RGS14: variants seen among roughly 807,000 people sequenced by gnomAD.
RGS14 encodes regulator of G protein signaling 14.
In RGS14, 33 loss-of-function variants were observed where a neutral mutation model predicts 63.8. The ratio of observed to expected loss-of-function variants is 0.52; its 90% CI spans 0.39 to 0.69. The LOEUF is 0.69. Among genes scored for constraint, RGS14 ranks in the 30% least tolerant of loss-of-function variants. The pLI, the probability that RGS14 is intolerant of heterozygous loss-of-function variation, is 0.00. For missense variants in RGS14, 739 were observed against 742.9 expected (o/e 0.99, Z 0.06); for synonymous variants, 296 against 320.9 (o/e 0.92, Z 0.83).
chr5:177,372,141 C>G lies in RGS14; in HGVS notation c.*66C>G, dbSNP rs1268862072. The G allele has an allele frequency of 3.5e-6, 5 of 1,431,600 alleles. No homozygotes were observed. Among genetic ancestry groups the G allele is most frequent in the Admixed American group, 3.5e-5 (2 of 56,350 alleles). The allele number at this position is 1,431,600 out of a possible 1,614,324, so 88.7% of individuals were successfully genotyped here. Reference sequence around the variant, plus strand: ...GGGCCGAGCATGCCATGGGTCCGCTCTGCATGCCCTGTCTGTGCCATGAGT... The same window carrying G: ...GGGCCGAGCATGCCATGGGTCCGCTGTGCATGCCCTGTCTGTGCCATGAGT... On this transcript the variant is annotated 3_prime_UTR_variant, in exon 15 of 15. Coordinates refer to ENST00000408923, the MANE Select transcript of RGS14 (RefSeq NM_006480.5).
At chr5:177,361,971 G>A (rs993073206) in intron 1 of RGS14, among the ~76,000 whole-genome samples, 1 of 152,136 alleles carries the variant, frequency 6.6e-6, no homozygotes, top group Non-Finnish European at 1.5e-5. Flanking sequence ...TGGCAGCCAG[G>A]GCAGGCCAGA....
At chr5:177,368,072 C>A in intron 7 of RGS14, 85 bp from the exon 8 acceptor site, 1 of 1,546,426 alleles carries the variant, frequency 6.5e-7, no homozygotes, top group Non-Finnish European at 8.7e-7. Flanking sequence ...TGGCTCCAAA[C>A]AAGGCCCACC....
intron 7 of RGS14, 78 bp from the exon 8 acceptor site, chr5:177,368,079 C>A (rs145102731): frequency 0.018 from 27,453 of 1,558,336 alleles, 293 homozygotes; most frequent in Middle Eastern, 0.023. Context: ...AAACAAGGCC[C>A]ACCAGTGGGG....
At position 177,367,540 on chromosome 5, in the gene RGS14, C is replaced by T; in HGVS notation, c.610C>T (p.Pro204Ser). The change falls in exon 6 of 15, where the codon CCT (proline) becomes TCT (serine). Residue 204 changes from proline to serine, a missense_variant. Transcript: ENST00000408923. Reference sequence around the variant, plus strand: ...ACCTGGCTCCTCGCGCCTCGGCAGCCCTGACGCCACGAGGAAGGTGCGTGG... The same window carrying T: ...ACCTGGCTCCTCGCGCCTCGGCAGCTCTGACGCCACGAGGAAGGTGCGTGG... ...REPGSSRLGS[P>S]DATRKKPKLK... 3.1e-6 allele frequency: 5 copies of T among 1,610,502 alleles called. No homozygotes were observed. Among genetic ancestry groups the T allele is most frequent in the Non-Finnish European group, 4.2e-6 (5 of 1,178,484 alleles).
chr5:177,371,069 C>T lies in RGS14; in HGVS notation c.1254+38C>T. 1.7e-6 allele frequency: 1 copy of T among 591,016 alleles called. No individual in the cohort carries two copies. Among genetic ancestry groups the T allele is most frequent in the South Asian group, 6.5e-5 (1 of 15,316 alleles). 36.6% of individuals were successfully genotyped at this position (591,016 alleles called of 1,614,324 possible). ...GCCGCGGGGCGGGGCGGGGCGGGGC[C>T]GGGCCGGGGCCGGGGCCGGGGCCGG... On this transcript the variant is annotated intron_variant, in intron 11 of 14. Coordinates refer to ENST00000408923, the MANE Select transcript of RGS14 (RefSeq NM_006480.5). The surrounding 1 kb of genome is among the most constrained non-coding windows in gnomAD (Gnocchi z 6.1).
intron 9 of RGS14, among the ~76,000 whole-genome samples, chr5:177,369,689 A>C (rs1208593480): frequency 6.6e-6 from 1 of 152,228 alleles, no homozygotes; most frequent in Non-Finnish European, 1.5e-5. Context: ...TATTCCAGGC[A>C]GAGGGAACAG....
rs1390448546 is a variant in RGS14 at position 177,366,201 on chromosome 5, A to G, written c.92A>G (p.Gln31Arg). ...GAGCTGAGCAGCACGACGGGGCCCC[A>G]GGGCCAGGGCGAGGGCCGCGGCAGC... ...DGELSSTTGPQGQGEGRGSSL... is the reference protein window; with the variant it reads ...DGELSSTTGPRGQGEGRGSSL... Residue 31 changes from glutamine to arginine, a missense_variant, in exon 3 of 15, where the codon CAG becomes CGG. Coordinates refer to ENST00000408923, the MANE Select transcript of RGS14 (RefSeq NM_006480.5). 5.6e-6 allele frequency: 9 copies of G among 1,608,838 alleles called. No individual in the cohort carries two copies. In the African/African-American group the frequency reaches 6.7e-5, roughly 12 times the overall value.
chr5:177,357,978 C>G lies in RGS14; in HGVS notation c.-47C>G. On this transcript the variant is annotated 5_prime_UTR_variant, in exon 1 of 15. Coordinates refer to ENST00000408923, the MANE Select transcript of RGS14 (RefSeq NM_006480.5). ...GCTCTGGCCGGCGCTGCCCACAGTC[C>G]CCATGGTGGGCAGCCCCCGCGGCGG... The G allele has an allele frequency of 7.5e-7, 1 of 1,328,262 alleles. No individual in the cohort carries two copies. 82.3% of individuals were successfully genotyped at this position (1,328,262 alleles called of 1,614,324 possible).
rs1387512630 is a variant in RGS14, at chr5:177,371,874, C to T, written c.1500C>T (p.Gly500=). ...CCTCATGCTGTGGCTTGCCTCCAGG[C>T]CTGGTGGAGCTGCTGAACCGGGTGC... ...TGKRQTCDIE[G]LVELLNRVQS... Residue 500 remains glycine (G), a splice_region_variant and synonymous_variant, in exon 15 of 15, where the codon GGC becomes GGT. Coordinates refer to ENST00000408923, the MANE Select transcript of RGS14 (RefSeq NM_006480.5). This position sits in a 1 kb window ranked among gnomAD's most constrained non-coding sequence, Gnocchi z 6.1. The T allele has an allele frequency of 6.2e-7, 1 of 1,610,176 alleles. No homozygotes were observed. The highest frequency in any genetic ancestry group is 1.1e-5 in the South Asian group (1 of 90,816).
rs1157367283 is a variant in RGS14 at position 177,364,384 on chromosome 5, G to A, written c.46-1579G>A. ...AAGATGGGGGCAGGGAAGCTGGTTT[G>A]GTACTGTGTTTTGGTGGAGGCAGAG... On this transcript the variant is annotated intron_variant, in intron 1 of 14. Coordinates refer to ENST00000408923, the MANE Select transcript of RGS14 (RefSeq NM_006480.5). This position sits in a 1 kb window ranked among gnomAD's most constrained non-coding sequence, Gnocchi z 4.6. 6.6e-6 allele frequency among the ~76,000 whole-genome samples: 1 copy of A among 152,148 alleles called. No homozygotes were observed. Among genetic ancestry groups the A allele is most frequent in the East Asian group, 1.9e-4 (1 of 5,192 alleles).
intron 1 of RGS14, among the ~76,000 whole-genome samples, chr5:177,360,363 C>T (rs1761934451): frequency 6.6e-6 from 1 of 151,842 alleles, no homozygotes; most frequent in Admixed American, 6.6e-5. Flanking sequence ...CGCTTGAGCC[C>T]AGGAGTTTGA....
In RGS14 at chr5:177,364,442, T is replaced by C. The variant is rs1388090711; in HGVS notation, c.46-1521T>C. 1.3e-5 allele frequency among the ~76,000 whole-genome samples: 2 copies of C among 152,132 alleles called. No homozygotes were observed. Among genetic ancestry groups the C allele is most frequent in the African/African-American group, 2.4e-5 (1 of 41,442 alleles). On this transcript the variant is annotated intron_variant, in intron 1 of 14. Coordinates refer to ENST00000408923, the MANE Select transcript of RGS14 (RefSeq NM_006480.5). This position sits in a 1 kb window ranked among gnomAD's most constrained non-coding sequence, Gnocchi z 4.6. ...CCATTTGGGACTTCCATTTGGGAGC[T>C]TGAGGGCTTGTGGGACATTTGAGGG... is the stretch of plus-strand genomic sequence containing the variant.
intron 10 of RGS14, 24 bp from the exon 11 acceptor site, chr5:177,370,881 C>T: frequency 1.9e-6 from 3 of 1,589,914 alleles, no homozygotes; most frequent in Non-Finnish European, 2.6e-6. Flanking sequence ...CTCCGGCCCT[C>T]TGCTGCCCGA....
rs566940283 is a variant in RGS14, at chr5:177,371,069, C to CGGGGCGGGGCGGGGCGGGGCGGGGCG, written c.1254+41_1254+42insGCGGGGCGGGGCGGGGCGGGGCGGGG. ...GCCGCGGGGCGGGGCGGGGCGGGGC[C>CGGGGCGGGGCGGGGCGGGGCGGGGCG]GGGCCGGGGCCGGGGCCGGGGCCGG... On this transcript the variant is annotated intron_variant, in intron 11 of 14. Transcript: ENST00000408923. This position sits in a 1 kb window ranked among gnomAD's most constrained non-coding sequence, Gnocchi z 6.1. 9.0e-5 allele frequency: 50 copies of CGGGGCGGGGCGGGGCGGGGCGGGGCG among 552,528 alleles called. 2 individuals are homozygous for CGGGGCGGGGCGGGGCGGGGCGGGGCG. In the African/African-American group the frequency reaches 1.7e-3, roughly 18 times the overall value. 34.2% of individuals were successfully genotyped at this position (552,528 alleles called of 1,614,324 possible).
rs2127324439 is a variant in RGS14, at chr5:177,358,218, A to C, written c.45+149A>C. The stretch of plus-strand genomic sequence containing the variant: ...GGTACAGACAGCAGCAGGTGGTAGG[A>C]CCTGGTGCTCTCACCCCTAGACCCT... On this transcript the variant is annotated intron_variant, in intron 1 of 14. Transcript: ENST00000408923. This position sits in a 1 kb window ranked among gnomAD's most constrained non-coding sequence, Gnocchi z 4.8. 1 of 592,212 alleles carries C rather than the reference A, an allele frequency of 1.7e-6. No individual in the cohort carries two copies. Among genetic ancestry groups the C allele is most frequent in the Non-Finnish European group, 2.5e-6 (1 of 394,052 alleles). 36.7% of individuals were successfully genotyped at this position (592,212 alleles called of 1,614,324 possible).
chr5:177,361,953 C>T (rs1299267313), intron 1 of RGS14, among the ~76,000 whole-genome samples: 1 of 152,162 alleles, frequency 6.6e-6, no homozygotes, highest in African/African-American at 2.4e-5. Flanking sequence ...CTTCCCCAGG[C>T]CCTGCAGTGG....
chr5:177,368,768 G>A lies in RGS14; in HGVS notation c.901G>A (p.Gly301Arg). Residue 301 changes from glycine (G) to arginine (R), a missense_variant, in exon 9 of 15, where the codon GGG becomes AGG. Coordinates refer to ENST00000408923, the MANE Select transcript of RGS14 (RefSeq NM_006480.5). ...GGAGGGTGAAAGTGAAAGCCGGCCA[G>A]GGAAGTACTGCTGTGTGTACCTGCC... is the stretch of plus-strand genomic sequence containing the variant. Reference protein sequence around the residue: ...STEGESESRPGKYCCVYLPDG... With the variant: ...STEGESESRPRKYCCVYLPDG... The A allele has an allele frequency of 2.5e-6, 4 of 1,614,238 alleles. No homozygotes were observed. Among genetic ancestry groups the A allele is most frequent in the Non-Finnish European group, 3.4e-6 (4 of 1,180,050 alleles).
intron 7 of RGS14, 57 bp downstream of exon 7, chr5:177,367,882 G>A: frequency 6.7e-7 from 1 of 1,488,642 alleles, no homozygotes. Context: ...GGTTAAATTT[G>A]GGGAGTGCCC....
At chr5:177,361,987 T>C (rs1175758240) in intron 1 of RGS14, among the ~76,000 whole-genome samples, 1 of 152,134 alleles carries the variant, frequency 6.6e-6, no homozygotes. Context: ...CCAGAGCCCC[T>C]GCAGGGCCCC....
Sources: gnomAD v4.1 joint callset for allele counts (sites outside exome capture counted in the v4.1 genomes callset) on GRCh38, gnomAD v4.1.1 for gene constraint, Gnocchi (gnomAD v3.1) non-coding constraint, MANE v1.5 for transcripts, NCBI Gene and HGNC (gene_info 2026-07-23, HGNC 2026-07-21) for gene names.